PNLIPRP3: variants seen among roughly 807,000 people sequenced by gnomAD.
PNLIPRP3 encodes pancreatic lipase related protein 3.
Under a neutral mutation model 52.8 loss-of-function variants are expected in PNLIPRP3, and 58 were observed. That is an observed-to-expected ratio of 1.10 (90% confidence interval 0.89 to 1.37). PNLIPRP3 has a LOEUF of 1.37. PNLIPRP3 is among the 40% of genes most tolerant of loss of function. The probability of loss-of-function intolerance (pLI) is 0.00; values close to 1 mark genes in which losing one functional copy is unlikely to be tolerated. For synonymous variants in PNLIPRP3, 192 were observed against 185.0 expected (o/e 1.04, Z -0.31); for missense variants, 593 against 561.6 (o/e 1.06, Z -0.57).
In PNLIPRP3 at chr10:116,469,251, T is replaced by C. The variant is rs7077408; in HGVS notation, c.994T>C (p.Phe332Leu). ...GGGTCATTTTGCTGATAGATTTCAC[T>C]TCAAAAATATGAAGACTAATGGATC... The part of the protein sequence containing the change: ...TMGHFADRFH[F>L]KNMKTNGSHY... Residue 332 changes from phenylalanine (F) to leucine (L), a missense_variant, in exon 9 of 12, where the codon TTC becomes CTC. Phe to Leu is a conservative substitution (Grantham distance 22). Transcript: ENST00000369230. 128,499 of 1,611,648 alleles carry C rather than the reference T, an allele frequency of 0.08. 8,554 individuals carry two copies. The highest frequency in any genetic ancestry group is 0.31 in the African/African-American group (23,209 of 74,800).
chr10:116,441,645 CCTATCAGCAGAGAACA>C (rs2133118162), intron 2 of PNLIPRP3, among the ~76,000 whole-genome samples: 1 of 152,192 alleles, frequency 6.6e-6, no homozygotes, highest in South Asian at 2.1e-4. Flanking sequence ...TGGTTTGGGC[CCTATCAGCAGAGAACA>C]CTATAATCAG....
chr10:116,467,832 A>G (rs1438978846), intron 8 of PNLIPRP3, among the ~76,000 whole-genome samples: 1 of 152,120 alleles, frequency 6.6e-6, no homozygotes, highest in Non-Finnish European at 1.5e-5. Context: ...TTTTGTTATT[A>G]AAAGTAATGT....
chr10:116,441,642 G>C (rs1314854745), intron 2 of PNLIPRP3, among the ~76,000 whole-genome samples: 1 of 152,070 alleles, frequency 6.6e-6, no homozygotes, highest in Non-Finnish European at 1.5e-5. Context: ...ATCTGGTTTG[G>C]GCCCTATCAG....
At chr10:116,448,509 G>A (rs944786689) in intron 4 of PNLIPRP3, among the ~76,000 whole-genome samples, 1 of 151,928 alleles carries the variant, frequency 6.6e-6, no homozygotes, top group Non-Finnish European at 1.5e-5. Context: ...AGGAAAAGAG[G>A]ACCAAAGAAC....
chr10:116,429,487 G>A (rs1043943050), intron 1 of PNLIPRP3, among the ~76,000 whole-genome samples: 1 of 152,182 alleles, frequency 6.6e-6, no homozygotes, highest in Non-Finnish European at 1.5e-5. Flanking sequence ...ACAAAACACA[G>A]AGAGATTCGT....
At chr10:116,475,824 G>A (rs551774208) in intron 10 of PNLIPRP3, among the ~76,000 whole-genome samples, 2 of 152,282 alleles carry the variant, frequency 1.3e-5, no homozygotes, top group Non-Finnish European at 1.5e-5. Context: ...ACAGTATGGA[G>A]CAACATGGGG....
intron 5 of PNLIPRP3, among the ~76,000 whole-genome samples, chr10:116,459,661 G>T (rs1371011664): frequency 2.6e-5 from 4 of 152,140 alleles, no homozygotes; most frequent in Admixed American, 2.6e-4. Context: ...CAAACACGAT[G>T]CTTTCATCTG....
chr10:116,434,347 AT>A (rs1327725608), intron 1 of PNLIPRP3, among the ~76,000 whole-genome samples: 1 of 152,190 alleles, frequency 6.6e-6, no homozygotes, highest in African/African-American at 2.4e-5. Context: ...CTCTATAAAC[AT>A]TTTTAATGGC....
intron 4 of PNLIPRP3, among the ~76,000 whole-genome samples, chr10:116,455,440 G>A (rs957427973): frequency 2.0e-5 from 3 of 152,240 alleles, no homozygotes; most frequent in South Asian, 4.1e-4. Flanking sequence ...TAGAAGCCAC[G>A]AATATAGTTG....
intron 4 of PNLIPRP3, among the ~76,000 whole-genome samples, chr10:116,450,919 T>TC (rs1846025387): frequency 3.3e-5 from 5 of 151,754 alleles, no homozygotes; most frequent in Admixed American, 3.3e-4. Flanking sequence ...GTGGCCTTTT[T>TC]TTTAACAGAA....
intron 4 of PNLIPRP3, among the ~76,000 whole-genome samples, chr10:116,454,868 A>G (rs1846088837): frequency 6.6e-6 from 1 of 152,376 alleles, no homozygotes; most frequent in East Asian, 1.9e-4. Flanking sequence ...TCTCTTCTTC[A>G]GCATAATGAT....
chr10:116,462,292 A>G (rs1323168667), intron 7 of PNLIPRP3, among the ~76,000 whole-genome samples: 3 of 150,222 alleles, frequency 2.0e-5, no homozygotes, highest in African/African-American at 7.3e-5. Context: ...TAATTAATGA[A>G]ATACATTACC....
chr10:116,467,558 T>G (rs1846300190), intron 8 of PNLIPRP3, among the ~76,000 whole-genome samples: 1 of 152,074 alleles, frequency 6.6e-6, no homozygotes. Flanking sequence ...TTCCTTTAGA[T>G]TTTTAAAACA....
At chr10:116,434,192 T>C (rs1321052884) in intron 1 of PNLIPRP3, among the ~76,000 whole-genome samples, 1 of 152,170 alleles carries the variant, frequency 6.6e-6, no homozygotes, top group Non-Finnish European at 1.5e-5. Context: ...TTTATTATTA[T>C]AAAGGTAATT....
chr10:116,448,291 CAAGTAA>C (rs1845985541), intron 4 of PNLIPRP3, among the ~76,000 whole-genome samples: 1 of 152,016 alleles, frequency 6.6e-6, no homozygotes, highest in Admixed American at 6.6e-5. Context: ...GTGATGTGAA[CAAGTAA>C]AAGTGTTGAC....
intron 4 of PNLIPRP3, among the ~76,000 whole-genome samples, chr10:116,448,014 G>A (rs1219179400): frequency 3.6e-5 from 1 of 27,672 alleles, no homozygotes; most frequent in African/African-American, 5.7e-5. Flanking sequence ...GAGAGAAAAG[G>A]AAGGAAGGAA....
Position 116,476,836 on chromosome 10 carries a change from C to T in PNLIPRP3, c.1340+17C>T. 6.4e-7 allele frequency: 1 copy of T among 1,555,814 alleles called. No homozygotes were observed. Among genetic ancestry groups the T allele is most frequent in the Non-Finnish European group, 8.7e-7 (1 of 1,151,358 alleles). The stretch of plus-strand genomic sequence containing the variant: ...TGGATATAAGTAAGTATTGCTTTTT[C>T]CTTTTCATTTTCGTAGTTTACATTT... On this transcript the variant is annotated intron_variant, in intron 11 of 11. Transcript: ENST00000369230.
intron 10 of PNLIPRP3, among the ~76,000 whole-genome samples, chr10:116,472,444 A>G (rs551698796): frequency 6.6e-6 from 1 of 152,256 alleles, no homozygotes; most frequent in East Asian, 1.9e-4. Flanking sequence ...GTTCATGTCC[A>G]TTATTTTATT....
chr10:116,460,837 T>C, intron 5 of PNLIPRP3, 129 bp from the exon 6 acceptor site: 1 of 1,255,004 alleles, frequency 8.0e-7, no homozygotes. Context: ...ATTTAGGTTA[T>C]GTATCTGTAC....
Sources: allele counts gnomAD v4.1 joint callset (sites outside exome capture counted in the v4.1 genomes callset), GRCh38; gene constraint gnomAD v4.1.1; transcripts MANE v1.5; gene names NCBI Gene and HGNC (gene_info 2026-07-23, HGNC 2026-07-21).